Variants in CDC40 observed in about 807,000 individuals in gnomAD.
CDC40 encodes pre-mRNA-processing factor 17.
A neutral mutation model predicts 80.6 loss-of-function variants in CDC40; 27 were observed. The observed-to-expected ratio is 0.33, with a 90% confidence interval of 0.25 to 0.46. The LOEUF (loss-of-function observed/expected upper bound fraction) is 0.46, where lower values mean the gene tolerates loss of function less well. Among genes scored for constraint, CDC40 ranks in the 20% least tolerant of loss-of-function variants. CDC40 has a pLI of 1.00. For synonymous variants in CDC40, 221 were observed against 232.6 expected, an observed-to-expected ratio of 0.95 and a Z score of 0.45; for missense variants, 486 against 694.1, an observed-to-expected ratio of 0.70 and a Z score of 3.37.
At chr6:110,220,122 G>A (rs1387968593) in intron 12 of CDC40, among the ~76,000 whole-genome samples, 1 of 152,084 alleles carries the variant, frequency 6.6e-6, no homozygotes, top group Non-Finnish European at 1.5e-5. Flanking sequence ...TTATACGGAT[G>A]ACAGATTTGT....
chr6:110,180,971 T>C (rs1777178706), intron 1 of CDC40, among the ~76,000 whole-genome samples: 2 of 152,188 alleles, frequency 1.3e-5, no homozygotes, highest in African/African-American at 2.4e-5. Flanking sequence ...AACTAGAGTA[T>C]TGTGTGAGCA....
intron 13 of CDC40, among the ~76,000 whole-genome samples, chr6:110,228,189 A>G (rs183372872): frequency 6.6e-6 from 1 of 152,298 alleles, no homozygotes; most frequent in East Asian, 1.9e-4. Flanking sequence ...AGCATAGAAA[A>G]GGTACAGTTA....
intron 1 of CDC40, 105 bp downstream of exon 1, chr6:110,180,738 A>G: frequency 2.6e-6 from 2 of 771,496 alleles, no homozygotes; most frequent in South Asian, 3.5e-5. Flanking sequence ...GTGCTCAGAG[A>G]TAAGTTGCTA....
chr6:110,210,902 A>G, intron 6 of CDC40, 99 bp downstream of exon 6: 1 of 466,632 alleles, frequency 2.1e-6, no homozygotes, highest in Non-Finnish European at 3.6e-6. Flanking sequence ...ATCAGCTGTA[A>G]TAAAATCATT....
At chr6:110,200,343 A>G (rs1777478870) in intron 2 of CDC40, among the ~76,000 whole-genome samples, 1 of 152,150 alleles carries the variant, frequency 6.6e-6, no homozygotes, top group Admixed American at 6.5e-5. Context: ...GAGTAATTTT[A>G]TTTGTGGCTC....
In CDC40 at chr6:110,209,065, T is replaced by A. The variant is rs1777599853; in HGVS notation, c.491-19T>A. The A allele has an allele frequency of 7.2e-7, 1 of 1,396,576 alleles. No homozygotes were observed. The highest frequency in any genetic ancestry group is 1.3e-5 in the South Asian group (1 of 74,362). The allele number at this position is 1,396,576 out of a possible 1,614,324, so 86.5% of individuals were successfully genotyped here. A position where few individuals can be genotyped will look rare whatever the true frequency, so the allele number is the denominator to read the frequency against. On this transcript the variant is annotated intron_variant, in intron 4 of 14. Transcript: ENST00000307731. ...GTAATCTCTCAGTTTTTTTTTTAAT[T>A]TTTTTTTTGTTAACGTAGGTTTAAC...
intron 1 of CDC40, among the ~76,000 whole-genome samples, chr6:110,186,233 T>C (rs1777268204): frequency 6.6e-6 from 1 of 152,166 alleles, no homozygotes; most frequent in East Asian, 1.9e-4. Context: ...CTTTCAGTTT[T>C]AGTTTGTCTT....
chr6:110,226,366 A>G (rs1777860140), intron 13 of CDC40, 123 bp downstream of exon 13: 1 of 528,550 alleles, frequency 1.9e-6, no homozygotes, highest in African/African-American at 1.9e-5. Flanking sequence ...TTATTTGTAT[A>G]AGGTAATCTT....
rs992724744 is a variant in CDC40 at position 110,212,997 on chromosome 6, C to G, written c.868-89C>G. The G allele has an allele frequency of 3.4e-6, 3 of 895,212 alleles. No homozygotes were observed. In the African/African-American group the frequency reaches 4.9e-5, roughly 15 times the overall value. The allele number at this position is 895,212 out of a possible 1,614,324, so 55.5% of individuals were successfully genotyped here. On this transcript the variant is annotated intron_variant, in intron 7 of 14. Coordinates refer to ENST00000307731, the MANE Select transcript of CDC40 (RefSeq NM_015891.3). ...GAATGAAGAAAAATAGCAAATTAGG[C>G]TGCTTAATATATACTGTCTTTTCTT... is the stretch of plus-strand genomic sequence containing the variant.
At chr6:110,229,070 A>G (rs1777902352) in intron 14 of CDC40, 94 bp downstream of exon 14, 1 of 998,500 alleles carries the variant, frequency 1.0e-6, no homozygotes, top group Middle Eastern at 2.7e-4. Flanking sequence ...CTCTCACATA[A>G]TATGTTTTTA....
At chr6:110,212,365 T>C in intron 7 of CDC40, 93 bp downstream of exon 7, 1 of 1,302,586 alleles carries the variant, frequency 7.7e-7, no homozygotes, top group Non-Finnish European at 1.1e-6. Context: ...TTAGTATTTC[T>C]GGTAAAGGTA....
At position 110,220,656 on chromosome 6, in the gene CDC40, A is replaced by G. The variant is rs188810158; in HGVS notation, c.1340+787A>G. The stretch of plus-strand genomic sequence containing the variant: ...GAGATGGGGTTTCACTGTGTTAGCC[A>G]GGATGGTCTCGATTTCCTGACCTTA... On this transcript the variant is annotated intron_variant, in intron 12 of 14. Coordinates refer to ENST00000307731, the MANE Select transcript of CDC40 (RefSeq NM_015891.3). 2.3e-3 allele frequency among the ~76,000 whole-genome samples: 345 copies of G among 152,202 alleles called. 1 individual carries two copies. The highest frequency in any genetic ancestry group is 3.7e-3 in the Non-Finnish European group (251 of 68,000).
At chr6:110,207,423 G>A in intron 3 of CDC40, 83 bp from the exon 4 acceptor site, 1 of 683,812 alleles carries the variant, frequency 1.5e-6, no homozygotes, top group Non-Finnish European at 2.6e-6. Context: ...AAGAAAATGT[G>A]AAATGTGTAT....
chr6:110,230,198 A>C lies in CDC40; in HGVS notation c.*67A>C, dbSNP rs1777917362. The C allele has an allele frequency of 2.1e-6, 2 of 938,652 alleles. No individual in the cohort carries two copies. Among genetic ancestry groups the C allele is most frequent in the Non-Finnish European group, 3.3e-6 (2 of 612,236 alleles). The allele number at this position is 938,652 out of a possible 1,614,324, so 58.1% of individuals were successfully genotyped here. The stretch of plus-strand genomic sequence containing the variant: ...TTGTCATATTTATATTTAATTATTA[A>C]ATGTATCTGATGATAACTTGATTTA... On this transcript the variant is annotated 3_prime_UTR_variant, in exon 15 of 15. Transcript: ENST00000307731.
At chr6:110,181,965 A>C (rs997601210) in intron 1 of CDC40, among the ~76,000 whole-genome samples, 1 of 151,974 alleles carries the variant, frequency 6.6e-6, no homozygotes, top group Non-Finnish European at 1.5e-5. Flanking sequence ...GTTTCCCAGG[A>C]CTCTGCTCTT....
intron 2 of CDC40, among the ~76,000 whole-genome samples, chr6:110,198,025 G>A (rs1562201400): frequency 6.6e-6 from 1 of 152,008 alleles, no homozygotes; most frequent in Non-Finnish European, 1.5e-5. Flanking sequence ...CAGTATACAA[G>A]TATTCTCTTT....
intron 1 of CDC40, among the ~76,000 whole-genome samples, chr6:110,181,851 G>A (rs1047327570): frequency 1.3e-5 from 2 of 152,198 alleles, no homozygotes; most frequent in Non-Finnish European, 2.9e-5. Flanking sequence ...AAATGACACT[G>A]TTCATTAGTT....
chr6:110,207,503 C>G lies in CDC40; in HGVS notation c.407-3C>G, dbSNP rs746082134. The stretch of plus-strand genomic sequence containing the variant: ...TTAATAATTTTCACTTTTTTGCTTT[C>G]AGGTTATGCATTAGACCCTTCATTA... On this transcript the variant is annotated splice_region_variant and splice_polypyrimidine_tract_variant and intron_variant, in intron 3 of 14. Transcript: ENST00000307731. 1 of 1,542,084 alleles carries G rather than the reference C, an allele frequency of 6.5e-7. No individual in the cohort carries two copies. Among genetic ancestry groups the G allele is most frequent in the Non-Finnish European group, 8.9e-7 (1 of 1,122,874 alleles).
chr6:110,209,697 T>G (rs1777609770), intron 5 of CDC40, among the ~76,000 whole-genome samples: 2 of 152,152 alleles, frequency 1.3e-5, no homozygotes, highest in Admixed American at 1.3e-4. Flanking sequence ...CTTCCTCACC[T>G]CCTAATCTCA....
Sources: gnomAD v4.1 joint callset for allele counts (sites outside exome capture counted in the v4.1 genomes callset) on GRCh38, gnomAD v4.1.1 for gene constraint, MANE v1.5 for transcripts, NCBI Gene and HGNC (gene_info 2026-07-23, HGNC 2026-07-21) for gene names.